The following CHL1 variants were observed in gnomAD, a reference collection of about 807,000 sequenced individuals.
CHL1 encodes the protein cell adhesion molecule L1 like.
CHL1 carries 96 observed loss-of-function variants against 141.9 expected under a neutral mutation model. That is an observed-to-expected ratio of 0.68 (90% CI 0.57 to 0.80). The LOEUF is 0.80. Ranked by LOEUF, CHL1 falls within the 30% of genes least tolerant of loss-of-function variation. CHL1 has a pLI of 0.00. For synonymous variants in CHL1, 613 were observed against 502.2 expected, an observed-to-expected ratio of 1.22 and a Z score of -2.95; for missense variants, 1,820 against 1,457.2, an observed-to-expected ratio of 1.25 and a Z score of -4.05.
intron 2 of CHL1, among the ~76,000 whole-genome samples, chr3:301,422 T>C (rs1698719246): frequency 1.3e-5 from 2 of 152,164 alleles, no homozygotes; most frequent in Admixed American, 6.5e-5. Flanking sequence ...ATTGCCAACC[T>C]CCTACTGGCT....
chr3:270,663 C>T (rs541419505), intron 2 of CHL1, among the ~76,000 whole-genome samples: 6 of 152,266 alleles, frequency 3.9e-5, no homozygotes, highest in South Asian at 2.1e-4. Context: ...ATTTTGCTCA[C>T]GATATTGTGG....
intron 2 of CHL1, among the ~76,000 whole-genome samples, chr3:289,325 T>A (rs1314853353): frequency 2.0e-5 from 3 of 152,178 alleles, no homozygotes; most frequent in Non-Finnish European, 4.4e-5. Flanking sequence ...CATTACTTAA[T>A]CCTTGAAATT....
intron 1 of CHL1, among the ~76,000 whole-genome samples, chr3:210,044 T>G (rs971846712): frequency 6.6e-6 from 1 of 152,246 alleles, no homozygotes; most frequent in African/African-American, 2.4e-5. Context: ...TAAAACTGTT[T>G]AAGACCTCAA....
chr3:332,458 C>CGATAT (rs1393577354), intron 5 of CHL1, among the ~76,000 whole-genome samples: 2 of 152,014 alleles, frequency 1.3e-5, no homozygotes, highest in Non-Finnish European at 2.9e-5. Context: ...AAGGTGATGA[C>CGATAT]GATATTCCTA....
At chr3:223,911 A>C (rs939182210) in intron 1 of CHL1, among the ~76,000 whole-genome samples, 5 of 152,208 alleles carry the variant, frequency 3.3e-5, no homozygotes, top group African/African-American at 9.6e-5. Context: ...TGGTTGAATT[A>C]GTTCCTTGGT....
chr3:378,089 C>A, intron 16 of CHL1, 147 bp downstream of exon 16: 1 of 568,678 alleles, frequency 1.8e-6, no homozygotes, highest in East Asian at 3.2e-5. Context: ...AACACAACTT[C>A]AAATCCTTTC....
chr3:330,884 G>T (rs1356506604), intron 5 of CHL1, among the ~76,000 whole-genome samples: 2 of 152,140 alleles, frequency 1.3e-5, no homozygotes, highest in Non-Finnish European at 2.9e-5. Context: ...AATCAGAATA[G>T]CATAGTAAAC....
intron 23 of CHL1, 47 bp downstream of exon 23, chr3:391,844 T>C: frequency 6.8e-7 from 1 of 1,470,746 alleles, no homozygotes. Context: ...GTTTCATTTT[T>C]TGGTTGAATA....
chr3:221,498 T>C (rs1044706852), intron 1 of CHL1, among the ~76,000 whole-genome samples: 1 of 152,230 alleles, frequency 6.6e-6, no homozygotes, highest in Non-Finnish European at 1.5e-5. Flanking sequence ...AATCATTTGC[T>C]TAGATCTAAG....
intron 2 of CHL1, among the ~76,000 whole-genome samples, chr3:252,149 C>T (rs1303665162): frequency 6.6e-6 from 1 of 151,598 alleles, no homozygotes; most frequent in African/African-American, 2.4e-5. Flanking sequence ...AATTTTATTA[C>T]ATTTCTAAAT....
intron 5 of CHL1, among the ~76,000 whole-genome samples, chr3:331,898 A>G (rs1701472072): frequency 6.6e-6 from 1 of 152,218 alleles, no homozygotes; most frequent in Non-Finnish European, 1.5e-5. Context: ...ATCCTACCCA[A>G]TTGGGAAATA....
chr3:241,554 C>T (rs2125092449), intron 1 of CHL1, among the ~76,000 whole-genome samples: 1 of 150,976 alleles, frequency 6.6e-6, no homozygotes, highest in Admixed American at 6.6e-5. Context: ...TCAGCAAGTG[C>T]TGTTTCTCCT....
At position 377,488 on chromosome 3, in the gene CHL1, C is replaced by T. The variant is rs190187033; in HGVS notation, c.1752-330C>T. ...CCCTAAACATACCTTAAGAATTACT[C>T]AAATATATCTTGGCCATTGTGAGGT... On this transcript the variant is annotated intron_variant, in intron 15 of 27. Coordinates refer to ENST00000256509, the MANE Select transcript of CHL1 (RefSeq NM_006614.4). Among the ~76,000 whole-genome samples the T allele has an allele frequency of 2.2e-4, 34 of 152,250 alleles. No individual in the cohort carries two copies. The East Asian group carries it at 6.2e-3, about 28-fold the overall frequency.
At chr3:317,178 T>C (rs551977236) in intron 2 of CHL1, among the ~76,000 whole-genome samples, 7 of 152,182 alleles carry the variant, frequency 4.6e-5, no homozygotes, top group African/African-American at 1.7e-4. Flanking sequence ...GAATTAGTCA[T>C]TATTCATATT....
intron 2 of CHL1, among the ~76,000 whole-genome samples, chr3:309,692 C>A (rs544490094): frequency 2.6e-5 from 4 of 151,998 alleles, no homozygotes; most frequent in African/African-American, 9.6e-5. Context: ...AAAAGAAAAT[C>A]TTTGTAGAGA....
At position 205,181 on chromosome 3, in the gene CHL1, G is replaced by A. The variant is rs1010145336; in HGVS notation, c.-175+8118G>A. Among the ~76,000 whole-genome samples, 8 of 147,986 alleles carry A rather than the reference G, an allele frequency of 5.4e-5. No individual in the cohort carries two copies. The East Asian group carries it at 8.0e-4, about 15-fold the overall frequency. ...GCTGGAGTACAGTGGTATGGTCATC[G>A]CTCACTGCAACCTCGAACTCCTGGG... On this transcript the variant is annotated intron_variant, in intron 1 of 27. Coordinates refer to ENST00000256509, the MANE Select transcript of CHL1 (RefSeq NM_006614.4).
At chr3:361,625 G>C in intron 12 of CHL1, 74 bp from the exon 13 acceptor site, 1 of 965,348 alleles carries the variant, frequency 1.0e-6, no homozygotes. Context: ...GTATGACTAG[G>C]ACATAGAAAA....
At chr3:328,508 T>A (rs1701186095) in intron 5 of CHL1, 154 bp downstream of exon 5, 1 of 539,106 alleles carries the variant, frequency 1.9e-6, no homozygotes, top group African/African-American at 2.0e-5. Context: ...CCTCCAGGTC[T>A]TGATACTTAA....
intron 3 of CHL1, among the ~76,000 whole-genome samples, chr3:321,036 A>C (rs1700522102): frequency 6.6e-6 from 1 of 152,078 alleles, no homozygotes; most frequent in Non-Finnish European, 1.5e-5. Context: ...GACTTAACTA[A>C]AACGTTGCTT....
Sources: gnomAD v4.1 joint callset for allele counts (sites outside exome capture counted in the v4.1 genomes callset) on GRCh38, gnomAD v4.1.1 for gene constraint, MANE v1.5 for transcripts, NCBI Gene and HGNC (gene_info 2026-07-23, HGNC 2026-07-21) for gene names.